TFB1M: variants seen among roughly 807,000 people sequenced by gnomAD.
TFB1M encodes dimethyladenosine transferase 1, mitochondrial.
Under a neutral mutation model 31.1 loss-of-function variants are expected in TFB1M, and 27 were observed. That is an observed-to-expected ratio of 0.87 (90% CI 0.64 to 1.20). The LOEUF (loss-of-function observed/expected upper bound fraction) is 1.20. Ranked by LOEUF, TFB1M falls within the 50% of genes most tolerant of loss-of-function variation. The probability of loss-of-function intolerance (pLI) is 0.00; values close to 1 mark genes in which losing one functional copy is unlikely to be tolerated. For synonymous variants in TFB1M, 166 were observed against 151.8 expected, an observed-to-expected ratio of 1.09 and a Z score of -0.69; for missense variants, 394 against 418.7, an observed-to-expected ratio of 0.94 and a Z score of 0.51.
chr6:155,264,953 A>T (rs908613186), intron 5 of TFB1M, among the ~76,000 whole-genome samples: 8 of 152,238 alleles, frequency 5.3e-5, no homozygotes, highest in Non-Finnish European at 1.0e-4. Context: ...AGAAAGCACA[A>T]ATGGAACAAG....
chr6:155,247,978 T>C, the TFB1M span: 2 of 1,610,258 alleles, frequency 1.2e-6, no homozygotes, highest in African/African-American at 2.7e-5. Context: ...TCTTCTGAGG[T>C]CTTTTATCCA....
chr6:155,261,363 C>G (rs929378885), intron 5 of TFB1M, among the ~76,000 whole-genome samples: 1 of 152,226 alleles, frequency 6.6e-6, no homozygotes, highest in Admixed American at 6.5e-5. Flanking sequence ...GAGGTGTGGG[C>G]TGCACCACTG....
At chr6:155,246,697 T>A in the TFB1M span, among the ~76,000 whole-genome samples, 1 of 152,138 alleles carries the variant, frequency 6.6e-6, no homozygotes, top group African/African-American at 2.4e-5. Context: ...TACTTGTCAA[T>A]ACATATTGAC....
At chr6:155,300,524 T>C (rs2114787041) in intron 2 of TFB1M, among the ~76,000 whole-genome samples, 2 of 152,248 alleles carry the variant, frequency 1.3e-5, no homozygotes, top group African/African-American at 4.8e-5. Context: ...AACGCTAAAA[T>C]TTTTTCTATA....
At chr6:155,276,214 T>C (rs758956503) in intron 5 of TFB1M, 5 of 1,614,066 alleles carry the variant, frequency 3.1e-6, no homozygotes, top group East Asian at 2.2e-5. Flanking sequence ...GAGCTATCTA[T>C]ATCGGATTCA....
intron 4 of TFB1M, among the ~76,000 whole-genome samples, chr6:155,293,874 CT>C (rs553386763): frequency 1.3e-5 from 2 of 151,986 alleles, no homozygotes; most frequent in African/African-American, 4.8e-5. Flanking sequence ...GTTTTTGCAA[CT>C]TTTTTTTGAC....
chr6:155,279,418 G>C (rs760476462), intron 5 of TFB1M, among the ~76,000 whole-genome samples: 8 of 152,118 alleles, frequency 5.3e-5, no homozygotes, highest in Non-Finnish European at 1.2e-4. Flanking sequence ...GTAAAGGTCT[G>C]GGGAGGTGGT....
chr6:155,308,243 A>G (rs552674943), intron 2 of TFB1M, among the ~76,000 whole-genome samples: 4 of 152,216 alleles, frequency 2.6e-5, no homozygotes, highest in Non-Finnish European at 4.4e-5. Context: ...CTAGGTGTCC[A>G]ATGCAAGTTT....
chr6:155,248,675 T>C, the TFB1M span, among the ~76,000 whole-genome samples: 3 of 152,340 alleles, frequency 2.0e-5, no homozygotes, highest in Middle Eastern at 6.8e-3. Flanking sequence ...TTCAAGTCGC[T>C]ACTGGTGTGT....
At chr6:155,295,361 G>C (rs1250682563) in intron 4 of TFB1M, among the ~76,000 whole-genome samples, 1 of 149,264 alleles carries the variant, frequency 6.7e-6, no homozygotes, top group Non-Finnish European at 1.5e-5. Flanking sequence ...GTGAGACTCT[G>C]TCCAAAAAAA....
intron 4 of TFB1M, among the ~76,000 whole-genome samples, chr6:155,290,151 C>T (rs1333655474): frequency 1.3e-5 from 2 of 152,138 alleles, no homozygotes; most frequent in African/African-American, 2.4e-5. Flanking sequence ...CTTTAGGAGG[C>T]TGAGGCGTGT....
chr6:155,257,149 T>C lies in TFB1M; in HGVS notation c.*687A>G, dbSNP rs755056403. ...TGATTCAATCCAGATATGGGTTAAA[T>C]TCCTCATTTTACTTTTAAACTGGTG... On this transcript the variant is annotated 3_prime_UTR_variant, in exon 7 of 7. Coordinates refer to ENST00000367166, the MANE Select transcript of TFB1M (RefSeq NM_016020.4). The C allele has an allele frequency of 5.0e-6, 8 of 1,598,494 alleles. No homozygotes were observed. The highest frequency in any genetic ancestry group is 6.8e-6 in the Non-Finnish European group (8 of 1,171,520).
intron 2 of TFB1M, among the ~76,000 whole-genome samples, 157 bp from the exon 3 acceptor site, chr6:155,298,742 A>T (rs1246908516): frequency 6.6e-6 from 1 of 152,224 alleles, no homozygotes; most frequent in African/African-American, 2.4e-5. Flanking sequence ...ATTGCAACAG[A>T]CAATGGTGGC....
chr6:155,249,851 A>T, the TFB1M span: 1 of 1,608,640 alleles, frequency 6.2e-7, no homozygotes, highest in Non-Finnish European at 8.5e-7. Context: ...TATCTTGCAG[A>T]AGCACTAAAG....
At chr6:155,307,936 T>C (rs1367467316) in intron 2 of TFB1M, among the ~76,000 whole-genome samples, 1 of 151,532 alleles carries the variant, frequency 6.6e-6, no homozygotes, top group Non-Finnish European at 1.5e-5. Flanking sequence ...AGAGGAAATC[T>C]GTACTACTTC....
the TFB1M span, among the ~76,000 whole-genome samples, chr6:155,241,395 C>T: frequency 0.012 from 1,871 of 152,254 alleles, 34 homozygotes; most frequent in Non-Finnish European, 0.015. Flanking sequence ...TGAAGCAGCG[C>T]GGCACGGTGC....
At chr6:155,274,079 C>T (rs1369228461) in intron 5 of TFB1M, among the ~76,000 whole-genome samples, 1 of 152,198 alleles carries the variant, frequency 6.6e-6, no homozygotes, top group African/African-American at 2.4e-5. Context: ...TTTCAATCCT[C>T]CCCATTTTCC....
the TFB1M span, chr6:155,250,054 G>T: frequency 1.1e-6 from 1 of 935,432 alleles, no homozygotes; most frequent in East Asian, 2.5e-5. Context: ...GCCCTGTTAG[G>T]ACTTTCCTGG....
chr6:155,240,311 G>A, the TFB1M span, among the ~76,000 whole-genome samples: 5 of 152,228 alleles, frequency 3.3e-5, no homozygotes, highest in African/African-American at 9.6e-5. Flanking sequence ...GGAGAGCCTC[G>A]TGTGTAAACA....
Sources: allele counts gnomAD v4.1 joint callset (sites outside exome capture counted in the v4.1 genomes callset), GRCh38; gene constraint gnomAD v4.1.1; transcripts MANE v1.5; gene names NCBI Gene and HGNC (gene_info 2026-07-23, HGNC 2026-07-21).